Variants in PDGFRL observed in about 807,000 individuals in gnomAD.
PDGFRL encodes the protein platelet derived growth factor receptor like.
In PDGFRL, 46 loss-of-function variants were observed where a neutral mutation model predicts 37.2. That is an observed-to-expected ratio of 1.24 (90% CI 0.98 to 1.58). PDGFRL has a LOEUF of 1.58. PDGFRL is among the 40% of genes most tolerant of loss of function. PDGFRL has a pLI of 0.00. For synonymous variants in PDGFRL, 251 were observed against 184.3 expected (o/e 1.36, Z -2.93); for missense variants, 692 against 467.6 (o/e 1.48, Z -4.43).
upstream of PDGFRL, chr8:17,576,794 C>T: frequency 3.5e-6 from 2 of 565,704 alleles, no homozygotes; most frequent in Non-Finnish European, 4.5e-6. Flanking sequence ...ATGGAATGAA[C>T]AGAAATAATT....
At chr8:17,629,761 C>G (rs1804823923) in intron 4 of PDGFRL, among the ~76,000 whole-genome samples, 1 of 152,166 alleles carries the variant, frequency 6.6e-6, no homozygotes, top group Admixed American at 6.5e-5. Context: ...GTGAACATGT[C>G]AACCACAACC....
At chr8:17,602,353 A>G (rs530201497) in intron 2 of PDGFRL, among the ~76,000 whole-genome samples, 4 of 152,268 alleles carry the variant, frequency 2.6e-5, no homozygotes, top group South Asian at 2.1e-4. Context: ...AGAACTTGGG[A>G]GCCCTAGTTC....
intron 1 of PDGFRL, among the ~76,000 whole-genome samples, chr8:17,582,542 A>G (rs1347794585): frequency 6.9e-6 from 1 of 145,742 alleles, no homozygotes; most frequent in Non-Finnish European, 1.5e-5. Flanking sequence ...AGATCAGGCC[A>G]CTGTACTGCA....
intron 5 of PDGFRL, among the ~76,000 whole-genome samples, chr8:17,642,230 A>C (rs1805137569): frequency 6.6e-6 from 1 of 152,100 alleles, no homozygotes; most frequent in Non-Finnish European, 1.5e-5. Flanking sequence ...GTAGGTAAGA[A>C]CCACTTAGCT....
intron 2 of PDGFRL, among the ~76,000 whole-genome samples, chr8:17,611,575 G>A (rs1403318168): frequency 6.6e-6 from 1 of 152,116 alleles, no homozygotes; most frequent in African/African-American, 2.4e-5. Flanking sequence ...TGCGTGGAGG[G>A]CTCAGAGGTG....
chr8:17,628,576 A>T lies in PDGFRL; in HGVS notation c.595A>T (p.Thr199Ser). 1 of 1,614,106 alleles carries T rather than the reference A, an allele frequency of 6.2e-7. No homozygotes were observed. The highest frequency in any genetic ancestry group is 8.5e-7 in the Non-Finnish European group (1 of 1,179,970). Reference protein sequence around the residue: ...DRQAVVPCRVTVLSAKVTLHR... With the variant: ...DRQAVVPCRVSVLSAKVTLHR... The stretch of plus-strand genomic sequence containing the variant: ...ACAGGCTGTGGTTCCTTGTCGGGTG[A>T]CCGTGCTGTCGGCCAAAGTCACGCT... Residue 199 changes from threonine (T) to serine (S), a missense_variant, in exon 4 of 6, where the codon ACC becomes TCC. Transcript: ENST00000251630.
rs761113670 is a variant in PDGFRL at position 17,634,058 on chromosome 8, T to G, written c.800-16T>G. On this transcript the variant is annotated splice_polypyrimidine_tract_variant and intron_variant, in intron 4 of 5. Coordinates refer to ENST00000251630, the MANE Select transcript of PDGFRL (RefSeq NM_001372073.1). ...CACTCGGGGTCTCACTCTGCCTGTT[T>G]CGTGCTTGCTTCCAGTTCCCAGTGG... The G allele has an allele frequency of 5.7e-5, 92 of 1,613,692 alleles. No individual in the cohort carries two copies. Among genetic ancestry groups the G allele is most frequent in the Admixed American group, 1.2e-4 (7 of 60,008 alleles).
At chr8:17,593,676 C>G (rs1803990911) in intron 2 of PDGFRL, among the ~76,000 whole-genome samples, 1 of 151,664 alleles carries the variant, frequency 6.6e-6, no homozygotes, top group Admixed American at 6.6e-5. Context: ...GGGCGGATCA[C>G]CGGAGGTCAG....
chr8:17,632,770 C>T (rs1258154940), intron 4 of PDGFRL, among the ~76,000 whole-genome samples: 6 of 152,152 alleles, frequency 3.9e-5, no homozygotes, highest in Admixed American at 2.6e-4. Flanking sequence ...CTCCTCCCTC[C>T]CCTCCTCTCC....
chr8:17,578,980 A>G (rs1803646585), intron 1 of PDGFRL, among the ~76,000 whole-genome samples: 1 of 152,190 alleles, frequency 6.6e-6, no homozygotes, highest in Non-Finnish European at 1.5e-5. Context: ...CAGGTGGATC[A>G]CAAGGTCAGG....
chr8:17,630,146 C>G (rs1804832353), intron 4 of PDGFRL, among the ~76,000 whole-genome samples: 1 of 152,160 alleles, frequency 6.6e-6, no homozygotes, highest in Non-Finnish European at 1.5e-5. Context: ...GCCTGGTGTC[C>G]TCTGCATTTT....
intron 2 of PDGFRL, among the ~76,000 whole-genome samples, chr8:17,601,642 C>T (rs1009058430): frequency 6.6e-6 from 1 of 152,024 alleles, no homozygotes; most frequent in Non-Finnish European, 1.5e-5. Context: ...CAAGTGGGCC[C>T]CTGTGTCTAT....
intron 4 of PDGFRL, among the ~76,000 whole-genome samples, chr8:17,631,483 C>T (rs1043843051): frequency 6.6e-6 from 1 of 152,124 alleles, no homozygotes; most frequent in Non-Finnish European, 1.5e-5. Flanking sequence ...ATGCCCCTTA[C>T]ACCCTGTTAC....
At chr8:17,637,722 T>C (rs867934936) in intron 5 of PDGFRL, among the ~76,000 whole-genome samples, 78 of 152,200 alleles carry the variant, frequency 5.1e-4, no homozygotes, top group Non-Finnish European at 1.6e-4. Flanking sequence ...TGGCAGTTTT[T>C]TAAATTACCA....
At chr8:17,611,073 G>A (rs761393731) in intron 2 of PDGFRL, among the ~76,000 whole-genome samples, 2 of 152,154 alleles carry the variant, frequency 1.3e-5, no homozygotes, top group Admixed American at 6.5e-5. Context: ...TTTCTTTTGC[G>A]GTACGCAGTG....
intron 1 of PDGFRL, 35 bp downstream of exon 1, chr8:17,577,342 T>C (rs1430899770): frequency 8.2e-6 from 13 of 1,579,812 alleles, no homozygotes; most frequent in South Asian, 1.1e-5. Flanking sequence ...ACCTAGCTTG[T>C]GCCCTGACTT....
chr8:17,605,794 G>A (rs1477645428), intron 2 of PDGFRL, among the ~76,000 whole-genome samples: 1 of 152,342 alleles, frequency 6.6e-6, no homozygotes, highest in African/African-American at 2.4e-5. Flanking sequence ...CTGGTCGGAT[G>A]TTAGCATTTT....
intron 2 of PDGFRL, among the ~76,000 whole-genome samples, chr8:17,616,463 G>C (rs953294456): frequency 6.6e-6 from 1 of 151,370 alleles, no homozygotes; most frequent in African/African-American, 2.4e-5. Flanking sequence ...AAAATGCTGG[G>C]ATTACAGGCA....
At chr8:17,614,375 G>A (rs1395636808) in intron 2 of PDGFRL, among the ~76,000 whole-genome samples, 1 of 151,996 alleles carries the variant, frequency 6.6e-6, no homozygotes, top group Non-Finnish European at 1.5e-5. Context: ...CACGTTTCCT[G>A]CATATCATTC....
Sources: allele counts gnomAD v4.1 joint callset (sites outside exome capture counted in the v4.1 genomes callset), GRCh38; gene constraint gnomAD v4.1.1; transcripts MANE v1.5; gene names NCBI Gene and HGNC (gene_info 2026-07-23, HGNC 2026-07-21).